The following RUSC2 variants were observed in gnomAD, a reference collection of about 807,000 sequenced individuals.
The protein encoded by RUSC2 is RUN and SH3 domain containing 2.
A neutral mutation model predicts 122.2 loss-of-function variants in RUSC2; 34 were observed. That is an observed-to-expected ratio of 0.28 (90% CI 0.21 to 0.37). The LOEUF (loss-of-function observed/expected upper bound fraction) is 0.37. Among genes scored for constraint, RUSC2 ranks in the 10% least tolerant of loss-of-function variants. The pLI is 1.00. For synonymous variants in RUSC2, 784 were observed against 790.0 expected (o/e 0.99, Z 0.13); for missense variants, 1,747 against 1,952.4 (o/e 0.89, Z 1.98).
chr9:35,557,737 A>G lies in RUSC2; in HGVS notation c.2984-177A>G, dbSNP rs17371767. On this transcript the variant is annotated intron_variant, in intron 5 of 11. Coordinates refer to ENST00000361226, the MANE Select transcript of RUSC2 (RefSeq NM_014806.5). This position sits in a 1 kb window ranked among gnomAD's most constrained non-coding sequence, Gnocchi z 4.6. ...GGGAAGTAAAGACAGGAAGAGCTTAAGAACTGGGCAGAACCAGAAAAGGGC... is the reference window on the plus strand; with the variant it reads ...GGGAAGTAAAGACAGGAAGAGCTTAGGAACTGGGCAGAACCAGAAAAGGGC... Among the ~76,000 whole-genome samples the G allele has an allele frequency of 0.044, 6,755 of 152,336 alleles. 157 individuals are homozygous for G. The highest frequency in any genetic ancestry group is 0.053 in the Non-Finnish European group (3,610 of 68,042).
At position 35,555,448 on chromosome 9, in the gene RUSC2, C is replaced by T; in HGVS notation, c.2403C>T (p.Cys801=). 6.2e-7 allele frequency: 1 copy of T among 1,614,246 alleles called. No homozygotes were observed. Among genetic ancestry groups the T allele is most frequent in the Non-Finnish European group, 8.5e-7 (1 of 1,180,052 alleles). Residue 801 remains cysteine (C), a synonymous_variant, in exon 3 of 12, where the codon TGC becomes TGT. Coordinates refer to ENST00000361226, the MANE Select transcript of RUSC2 (RefSeq NM_014806.5). This position sits in a 1 kb window ranked among gnomAD's most constrained non-coding sequence, Gnocchi z 4.6. Reference sequence around the variant, plus strand: ...CTGACTCTTCTGCCTCCACTTCGTGCTCCCCTCCCCCAGAGCAGCCCACAG... The same window carrying T: ...CTGACTCTTCTGCCTCCACTTCGTGTTCCCCTCCCCCAGAGCAGCCCACAG... ...PSTDSSASTS[C]SPPPEQPTAT... is the part of the protein sequence containing the mutation.
intron 1 of RUSC2, among the ~76,000 whole-genome samples, chr9:35,515,293 G>T (rs921109952): frequency 2.6e-5 from 4 of 152,162 alleles, no homozygotes; most frequent in African/African-American, 9.7e-5. Flanking sequence ...GAATACAGCT[G>T]TATGCATTTG....
In RUSC2 at chr9:35,559,282, A is replaced by G; in HGVS notation, c.3388+10A>G. The G allele has an allele frequency of 6.2e-7, 1 of 1,609,202 alleles. No homozygotes were observed. The highest frequency in any genetic ancestry group is 2.2e-5 in the East Asian group (1 of 44,846). On this transcript the variant is annotated intron_variant, in intron 9 of 11. Coordinates refer to ENST00000361226, the MANE Select transcript of RUSC2 (RefSeq NM_014806.5). ...CTCTATAACCACGAAGGTAATGCCT[A>G]GAACCCTGCAGGTCAAACTCAATGG... is the stretch of plus-strand genomic sequence containing the variant.
chr9:35,514,664 T>G (rs1821070292), intron 1 of RUSC2, among the ~76,000 whole-genome samples: 1 of 152,148 alleles, frequency 6.6e-6, no homozygotes, highest in Non-Finnish European at 1.5e-5. Context: ...CACTGGTGAC[T>G]TAAATAAGAT....
At chr9:35,494,967 TTA>T (rs1211963950) in intron 1 of RUSC2, among the ~76,000 whole-genome samples, 2 of 118,882 alleles carry the variant, frequency 1.7e-5, no homozygotes, top group African/African-American at 6.3e-5. Flanking sequence ...TATATAAAAT[TTA>T]TATATATTAT....
rs1231203798 is a variant in RUSC2 at position 35,548,073 on chromosome 9, T to C, written c.1552T>C (p.Leu518=). Residue 518 remains leucine (L), a synonymous_variant, in exon 2 of 12, where the codon TTG becomes CTG. Coordinates refer to ENST00000361226, the MANE Select transcript of RUSC2 (RefSeq NM_014806.5). This position sits in a 1 kb window ranked among gnomAD's most constrained non-coding sequence, Gnocchi z 4.5. ...PVRLGSLERM[L]SCPVRLSEGP... ...CCGCCTGGGCTCGCTGGAACGTATG[T>C]TGAGTTGCCCAGTGCGCTTGAGTGA... The C allele has an allele frequency of 1.2e-6, 2 of 1,613,394 alleles. No homozygotes were observed. The highest frequency in any genetic ancestry group is 1.7e-6 in the Non-Finnish European group (2 of 1,180,042).
Position 35,558,605 on chromosome 9 carries a change from G to C in RUSC2, c.3341+38G>C. The stretch of plus-strand genomic sequence containing the variant: ...AGCAGCAAGATCCCCTAAACAACTT[G>C]CCCTGCCCCCCACCCCCGGGCTCTG... On this transcript the variant is annotated intron_variant, in intron 8 of 11. Transcript: ENST00000361226. This position sits in a 1 kb window ranked among gnomAD's most constrained non-coding sequence, Gnocchi z 4.3. The C allele has an allele frequency of 6.5e-7, 1 of 1,528,338 alleles. No homozygotes were observed. The highest frequency in any genetic ancestry group is 9.1e-7 in the Non-Finnish European group (1 of 1,102,372). 94.7% of individuals were successfully genotyped at this position (1,528,338 alleles called of 1,614,324 possible). A position where few individuals can be genotyped will look rare whatever the true frequency, so the allele number is the denominator to read the frequency against.
intron 1 of RUSC2, among the ~76,000 whole-genome samples, chr9:35,514,344 G>A (rs1277824897): frequency 6.6e-6 from 1 of 152,150 alleles, no homozygotes; most frequent in African/African-American, 2.4e-5. Context: ...TCAGTACCGA[G>A]CTGATCCGAG....
In RUSC2 at chr9:35,560,020, T is replaced by C. The variant is rs367970888; in HGVS notation, c.3389-9T>C. 4.9e-5 allele frequency: 77 copies of C among 1,576,392 alleles called. No homozygotes were observed. Among genetic ancestry groups the C allele is most frequent in the Non-Finnish European group, 6.1e-5 (71 of 1,155,842 alleles). Reference sequence around the variant, plus strand: ...CTGTGTGGATCAGTCCCTCTCTCTTTTCCCCTAGACATCATCCAGACCCAC... The same window carrying C: ...CTGTGTGGATCAGTCCCTCTCTCTTCTCCCCTAGACATCATCCAGACCCAC... On this transcript the variant is annotated splice_polypyrimidine_tract_variant and intron_variant, in intron 9 of 11. Transcript: ENST00000361226.
At chr9:35,518,042 C>A (rs1864524) in intron 1 of RUSC2, among the ~76,000 whole-genome samples, 1 of 152,188 alleles carries the variant, frequency 6.6e-6, no homozygotes, top group African/African-American at 2.4e-5. Flanking sequence ...GGCATCCTGC[C>A]ACTATCCTAG....
At position 35,558,216 on chromosome 9, in the gene RUSC2, C is replaced by T; in HGVS notation, c.3080C>T (p.Ser1027Phe). 1.2e-6 allele frequency: 2 copies of T among 1,613,632 alleles called. No individual in the cohort carries two copies. The highest frequency in any genetic ancestry group is 1.7e-6 in the Non-Finnish European group (2 of 1,179,986). Reference protein sequence around the residue: ...PGVKAKLGNSSVSPNVGHLVL... With the variant: ...PGVKAKLGNSFVSPNVGHLVL... ...CTACAGGCAAAGCTGGGAAACAGTT[C>T]TGTGAGCCCCAATGTGGGCCACCTG... Residue 1027 changes from serine to phenylalanine, a missense_variant, in exon 7 of 12, where the codon TCT (serine) becomes TTT (phenylalanine). Physicochemically the swap from Ser to Phe is radical, Grantham distance 155. Transcript: ENST00000361226. The surrounding 1 kb of genome is among the most constrained non-coding windows in gnomAD (Gnocchi z 4.3).
intron 1 of RUSC2, among the ~76,000 whole-genome samples, chr9:35,529,855 C>A (rs1254270472): frequency 1.3e-5 from 2 of 152,156 alleles, no homozygotes; most frequent in South Asian, 2.1e-4. Context: ...TTACCTTCTT[C>A]TTCTTCATCA....
chr9:35,561,620 T>TA lies in RUSC2; in HGVS notation c.*238_*239insA, dbSNP rs1336353634. On this transcript the variant is annotated 3_prime_UTR_variant, in exon 12 of 12. Coordinates refer to ENST00000361226, the MANE Select transcript of RUSC2 (RefSeq NM_014806.5). ...GGACACAGCACTGGGCTGCCAGGATTCCCCTGGCCCGTCTGGGCCAACCCT... is the reference window on the plus strand; with the variant it reads ...GGACACAGCACTGGGCTGCCAGGATTACCCCTGGCCCGTCTGGGCCAACCCT... 3 of 572,284 alleles carry TA rather than the reference T, an allele frequency of 5.2e-6. No homozygotes were observed. The highest frequency in any genetic ancestry group is 9.2e-6 in the Non-Finnish European group (3 of 325,566). The allele number at this position is 572,284 out of a possible 1,614,324, so 35.5% of individuals were successfully genotyped here.
At chr9:35,528,177 G>C (rs1442648769) in intron 1 of RUSC2, among the ~76,000 whole-genome samples, 2 of 152,094 alleles carry the variant, frequency 1.3e-5, no homozygotes. Context: ...CTTGAGGCCG[G>C]AAGTTCAAGA....
Position 35,555,293 on chromosome 9 carries a change from C to T in RUSC2, c.2248C>T (p.Pro750Ser). 6.2e-7 allele frequency: 1 copy of T among 1,613,840 alleles called. No homozygotes were observed. The highest frequency in any genetic ancestry group is 8.5e-7 in the Non-Finnish European group (1 of 1,179,994). ...CTCAGTCCCAGCTCCCTCAGGGGAACCGCAGGCATCCACTCCCCGAGCCAC... is the reference window on the plus strand; with the variant it reads ...CTCAGTCCCAGCTCCCTCAGGGGAATCGCAGGCATCCACTCCCCGAGCCAC... ...QVSVPAPSGE[P>S]QASTPRATGR... The change falls in exon 3 of 12, where the codon CCG (proline) becomes TCG (serine). Residue 750 changes from proline (P) to serine (S), a missense_variant. Pro to Ser is a moderately conservative substitution (Grantham distance 74, BLOSUM62 -1). Transcript: ENST00000361226. This position sits in a 1 kb window ranked among gnomAD's most constrained non-coding sequence, Gnocchi z 4.6.
intron 1 of RUSC2, among the ~76,000 whole-genome samples, chr9:35,499,132 C>G (rs1414835180): frequency 6.6e-6 from 1 of 151,510 alleles, no homozygotes; most frequent in Admixed American, 6.6e-5. Context: ...ACTAAAAATA[C>G]AAAAATTAGC....
At chr9:35,543,438 T>A (rs1432161920) in intron 1 of RUSC2, among the ~76,000 whole-genome samples, 2 of 151,822 alleles carry the variant, frequency 1.3e-5, no homozygotes, top group African/African-American at 2.4e-5. Flanking sequence ...AAGAAAAAAA[T>A]TGCTTAAATT....
chr9:35,550,230 T>A (rs1313116756), intron 2 of RUSC2, among the ~76,000 whole-genome samples: 1 of 149,360 alleles, frequency 6.7e-6, no homozygotes, highest in African/African-American at 2.5e-5. Flanking sequence ...AAAAAAGTAA[T>A]TGGATCACTG....
At chr9:35,491,776 C>T (rs1457478663) in intron 1 of RUSC2, among the ~76,000 whole-genome samples, 9 of 152,110 alleles carry the variant, frequency 5.9e-5, no homozygotes, top group Non-Finnish European at 1.5e-5. Flanking sequence ...ATGGTGAAAC[C>T]CCATCTCTAC....
Sources: allele counts gnomAD v4.1 joint callset (sites outside exome capture counted in the v4.1 genomes callset), GRCh38; gene constraint gnomAD v4.1.1; non-coding constraint Gnocchi (gnomAD v3.1); transcripts MANE v1.5; gene names NCBI Gene and HGNC (gene_info 2026-07-23, HGNC 2026-07-21).